IGFBP7: variants seen among roughly 807,000 people sequenced by gnomAD.
IGFBP7 encodes the protein insulin like growth factor binding protein 7, also known as insulin-like growth factor-binding protein 7.
IGFBP7 carries 31 observed loss-of-function variants against 29.4 expected under a neutral mutation model. The observed-to-expected ratio is 1.05, with a 90% CI of 0.79 to 1.42. The LOEUF is 1.42. Among genes scored for constraint, IGFBP7 ranks in the 40% most tolerant of loss-of-function variants. The pLI is 0.00. For synonymous variants in IGFBP7, 172 were observed against 174.9 expected (o/e 0.98, Z 0.13); for missense variants, 393 against 395.5 (o/e 0.99, Z 0.05).
intron 1 of IGFBP7, among the ~76,000 whole-genome samples, chr4:57,086,494 C>T (rs1725501490): frequency 6.6e-6 from 1 of 152,166 alleles, no homozygotes; most frequent in Non-Finnish European, 1.5e-5. Flanking sequence ...TTGGATCTGT[C>T]ATCACCTCAT....
intron 1 of IGFBP7, among the ~76,000 whole-genome samples, chr4:57,067,836 A>C (rs1237887067): frequency 1.3e-5 from 2 of 148,504 alleles, no homozygotes; most frequent in African/African-American, 2.5e-5. Context: ...TCAAAACTAA[A>C]AAAAATAAAA....
At chr4:57,103,073 CCAAGTAGCAAG>C (rs1725935714) in intron 1 of IGFBP7, among the ~76,000 whole-genome samples, 1 of 152,142 alleles carries the variant, frequency 6.6e-6, no homozygotes, top group Non-Finnish European at 1.5e-5. Flanking sequence ...CTTTTCACTC[CCAAGTAGCAAG>C]CAGCTTGCCA....
At chr4:57,084,389 GA>G (rs1246843687) in intron 1 of IGFBP7, among the ~76,000 whole-genome samples, 1 of 152,140 alleles carries the variant, frequency 6.6e-6, no homozygotes, top group Non-Finnish European at 1.5e-5. Flanking sequence ...TAAAAATCAT[GA>G]AGAAAAAACA....
chr4:57,052,790 T>C (rs989506241), intron 1 of IGFBP7, among the ~76,000 whole-genome samples: 5 of 152,180 alleles, frequency 3.3e-5, no homozygotes, highest in African/African-American at 1.2e-4. Flanking sequence ...ACACCTCGTT[T>C]TGGGTCCAAT....
intron 1 of IGFBP7, among the ~76,000 whole-genome samples, chr4:57,057,091 G>T (rs929830776): frequency 2.6e-5 from 4 of 151,954 alleles, no homozygotes; most frequent in African/African-American, 7.3e-5. Flanking sequence ...CTGCAGCTTC[G>T]TCCTTTAGGG....
intron 1 of IGFBP7, among the ~76,000 whole-genome samples, chr4:57,101,554 T>A (rs1428528841): frequency 6.6e-6 from 1 of 152,118 alleles, no homozygotes; most frequent in Non-Finnish European, 1.5e-5. Flanking sequence ...TGTAAAACAG[T>A]AAAGGCAATT....
At chr4:57,034,741 T>G (rs531910260) in intron 2 of IGFBP7, among the ~76,000 whole-genome samples, 12 of 152,298 alleles carry the variant, frequency 7.9e-5, no homozygotes, top group South Asian at 2.1e-4. Context: ...AAACCACATG[T>G]GATCTAGGCC....
intron 1 of IGFBP7, among the ~76,000 whole-genome samples, chr4:57,101,747 C>T (rs1309139563): frequency 7.0e-6 from 1 of 143,604 alleles, no homozygotes; most frequent in African/African-American, 2.6e-5. Context: ...CTCTCAGAGG[C>T]CTGGTGGAGG....
Position 57,032,486 on chromosome 4 carries a change from C to G in IGFBP7, c.769G>C (p.Ala257Pro). 6.2e-7 allele frequency: 1 copy of G among 1,613,978 alleles called. No homozygotes were observed. Among genetic ancestry groups the G allele is most frequent in the Non-Finnish European group, 8.5e-7 (1 of 1,179,904 alleles). Residue 257 changes from alanine to proline, a missense_variant, in exon 4 of 5, where the codon GCT becomes CCT. By Grantham distance (27) the Ala-to-Pro change is conservative. Coordinates refer to ENST00000295666, the MANE Select transcript of IGFBP7 (RefSeq NM_001553.3). ...ECHASNSQGQ[A>P]SASAKITVVD... ...ACTGTAATTTTTGCTGATGCTGAAGCCTGTCCTTGGGAATTGGATGCATGG... is the reference window on the plus strand; with the variant it reads ...ACTGTAATTTTTGCTGATGCTGAAGGCTGTCCTTGGGAATTGGATGCATGG...
chr4:57,091,410 C>T (rs1045733082), intron 1 of IGFBP7, among the ~76,000 whole-genome samples: 1 of 152,206 alleles, frequency 6.6e-6, no homozygotes, highest in Non-Finnish European at 1.5e-5. Flanking sequence ...TCCGTGTACA[C>T]ACCAACTCAC....
chr4:57,077,699 C>T (rs528697430), intron 1 of IGFBP7, among the ~76,000 whole-genome samples: 1 of 152,216 alleles, frequency 6.6e-6, no homozygotes, highest in Non-Finnish European at 1.5e-5. Flanking sequence ...CATCATCAGT[C>T]TTCAGGAATG....
rs1304313707 is a variant in IGFBP7, at chr4:57,031,478, G to A, written c.830-142C>T. 10 of 677,734 alleles carry A rather than the reference G, an allele frequency of 1.5e-5. No individual in the cohort carries two copies. The African/African-American group carries it at 1.8e-4, about 12-fold the overall frequency. The allele number at this position is 677,734 out of a possible 1,614,324, so 42.0% of individuals were successfully genotyped here. A position where few individuals can be genotyped will look rare whatever the true frequency, so the allele number is the denominator to read the frequency against. ...AGGATATATGAGTAATTGTATAAAT[G>A]ATATGCTGGAGTGCTCTGTGGAACT... On this transcript the variant is annotated intron_variant, in intron 4 of 4. Coordinates refer to ENST00000295666, the MANE Select transcript of IGFBP7 (RefSeq NM_001553.3).
At chr4:57,106,420 T>G (rs1329441068) in intron 1 of IGFBP7, among the ~76,000 whole-genome samples, 1 of 152,014 alleles carries the variant, frequency 6.6e-6, no homozygotes, top group African/African-American at 2.4e-5. Flanking sequence ...GTGAGAGGCG[T>G]TGCAGGCAGA....
chr4:57,048,650 G>A (rs1310128428), intron 1 of IGFBP7, among the ~76,000 whole-genome samples: 1 of 152,146 alleles, frequency 6.6e-6, no homozygotes, highest in Non-Finnish European at 1.5e-5. Flanking sequence ...TCTTGGTAGT[G>A]AGGACAGAGT....
chr4:57,096,808 G>A (rs1254175081), intron 1 of IGFBP7, among the ~76,000 whole-genome samples: 1 of 152,166 alleles, frequency 6.6e-6, no homozygotes, highest in Admixed American at 6.5e-5. Flanking sequence ...CACTTTCTGA[G>A]TCGAAATACA....
In IGFBP7 at chr4:57,110,176, C is replaced by T. The variant is rs1277870741; in HGVS notation, c.176G>A (p.Cys59Tyr). The T allele has an allele frequency of 1.4e-6, 2 of 1,403,330 alleles. No individual in the cohort carries two copies. The highest frequency in any genetic ancestry group is 1.8e-6 in the Non-Finnish European group (2 of 1,088,538). The allele number at this position is 1,403,330 out of a possible 1,614,324, so 86.9% of individuals were successfully genotyped here. The change falls in exon 1 of 5, where the codon TGC (cysteine) becomes TAC (tyrosine). Residue 59 changes from cysteine (C) to tyrosine (Y), a missense_variant. Cys to Tyr is a radical substitution (Grantham distance 194). Transcript: ENST00000295666. ...CTCGCCGCGGGCGCACATAGGGCAGCAGCCGCACGCGTCGCGGGTCTCGCC... is the reference window on the plus strand; with the variant it reads ...CTCGCCGCGGGCGCACATAGGGCAGTAGCCGCACGCGTCGCGGGTCTCGCC... ...LLGETRDACG[C>Y]CPMCARGEGE... is the part of the protein sequence containing the mutation.
chr4:57,058,131 CA>C (rs33988596), intron 1 of IGFBP7, among the ~76,000 whole-genome samples: 50,704 of 151,722 alleles, frequency 0.33, 9,224 homozygotes, highest in East Asian at 0.53. Flanking sequence ...TTTTAACTTA[CA>C]AAAAAATAAG....
intron 1 of IGFBP7, among the ~76,000 whole-genome samples, chr4:57,071,400 G>A (rs2109775878): frequency 6.6e-6 from 1 of 152,316 alleles, no homozygotes; most frequent in African/African-American, 2.4e-5. Context: ...TACATCTGAT[G>A]TGTCTATTTC....
chr4:57,071,092 T>C (rs1725042413), intron 1 of IGFBP7, among the ~76,000 whole-genome samples: 1 of 152,208 alleles, frequency 6.6e-6, no homozygotes, highest in Non-Finnish European at 1.5e-5. Context: ...AAAGCCTGTC[T>C]AGAAGAAGTG....
Sources: allele counts gnomAD v4.1 joint callset (sites outside exome capture counted in the v4.1 genomes callset), GRCh38; gene constraint gnomAD v4.1.1; transcripts MANE v1.5; gene names NCBI Gene and HGNC (gene_info 2026-07-23, HGNC 2026-07-21).